GLIS3: variants seen among roughly 807,000 people sequenced by gnomAD.
GLIS3 encodes the protein GLIS family zinc finger 3, also known as zinc finger protein GLIS3.
In GLIS3, 53 loss-of-function variants were observed where a neutral mutation model predicts 78.6. The ratio of observed to expected loss-of-function variants is 0.67; its 90% CI spans 0.54 to 0.85. The LOEUF (loss-of-function observed/expected upper bound fraction) is 0.85, where lower values mean the gene tolerates loss of function less well. Ranked by LOEUF, GLIS3 falls within the 40% of genes least tolerant of loss-of-function variation. The pLI is 0.00. For missense variants in GLIS3, 1,703 were observed against 1,231.1 expected, an observed-to-expected ratio of 1.38 and a Z score of -5.74; for synonymous variants, 684 against 509.9, an observed-to-expected ratio of 1.34 and a Z score of -4.60.
chr9:4,183,597 CCT>C (rs1160325283), intron 2 of GLIS3, among the ~76,000 whole-genome samples: 1 of 152,274 alleles, frequency 6.6e-6, no homozygotes, highest in East Asian at 1.9e-4. Context: ...CCAGTCAAGA[CCT>C]CTGTTTCTCC....
rs529215402 is a variant in GLIS3 at position 4,240,125 on chromosome 9, C to T, written c.388+45913G>A. Among the ~76,000 whole-genome samples, 8 of 146,954 alleles carry T rather than the reference C, an allele frequency of 5.4e-5. No homozygotes were observed. In the East Asian group the frequency reaches 6.2e-4, roughly 11 times the overall value. ...ACAATTAATTCACCATCTAAAGCAG[C>T]GGTCTCCAACCTTTGTGGCATCAGG... On this transcript the variant is annotated intron_variant, in intron 2 of 10. Coordinates refer to ENST00000381971, the MANE Select transcript of GLIS3 (RefSeq NM_001042413.2).
rs60072560 is a variant in GLIS3, at chr9:4,077,985, A to G, written c.1710+39783T>C. ...ACTTTCTTCCCTTTTTTACTTTCCC[A>G]GTTTTCTGATACCTAGTTCACAATT... On this transcript the variant is annotated intron_variant, in intron 4 of 10. Transcript: ENST00000381971. 4.9e-3 allele frequency among the ~76,000 whole-genome samples: 739 copies of G among 152,116 alleles called. 6 individuals carry two copies. The highest frequency in any genetic ancestry group is 0.017 in the African/African-American group (701 of 41,492).
At chr9:4,484,404 ATTTTTTTTTTTTTTTT>A in the GLIS3 span, among the ~76,000 whole-genome samples, 39 of 49,770 alleles carry the variant, frequency 7.8e-4, no homozygotes, top group African/African-American at 2.7e-3. Context: ...TGCCAGGCTA[ATTTTTTTTTTTTTTTT>A]TTTTTTTTTT....
chr9:4,118,319 C>G lies in GLIS3; in HGVS notation c.1159G>C (p.Asp387His). The change falls in exon 4 of 11, where the codon GAC (aspartate) becomes CAC (histidine). Residue 387 changes from aspartate (D) to histidine (H), a missense_variant. Physicochemically the swap from Asp to His is moderately conservative, Grantham distance 81 (BLOSUM62 -1). Transcript: ENST00000381971. This position sits in a 1 kb window ranked among gnomAD's most constrained non-coding sequence, Gnocchi z 4.7. ...ATGCGCTCGTGCTCCAGGGCCCCGTCCTCGCCGTAGGCCGGCAGCGCCAGG... is the reference window on the plus strand; with the variant it reads ...ATGCGCTCGTGCTCCAGGGCCCCGTGCTCGCCGTAGGCCGGCAGCGCCAGG... ...GGLALPAYGE[D>H]GALEHERMQQ... 8.3e-6 allele frequency: 13 copies of G among 1,574,698 alleles called. No homozygotes were observed. The highest frequency in any genetic ancestry group is 1.1e-5 in the Non-Finnish European group (13 of 1,163,030).
rs201291199 is a variant in GLIS3, at chr9:3,930,129, C to A, written c.1983+2231G>T. On this transcript the variant is annotated intron_variant, in intron 6 of 10. Coordinates refer to ENST00000381971, the MANE Select transcript of GLIS3 (RefSeq NM_001042413.2). ...ATCATTTTAACTTCCGCAAATTAAT[C>A]CATCATGGATTCATAAAGAATTTTT... 3.3e-5 allele frequency among the ~76,000 whole-genome samples: 5 copies of A among 152,278 alleles called. No individual in the cohort carries two copies. The East Asian group carries it at 5.8e-4, about 18-fold the overall frequency.
At chr9:4,487,673 T>C in the GLIS3 span, among the ~76,000 whole-genome samples, 3 of 149,346 alleles carry the variant, frequency 2.0e-5, no homozygotes, top group South Asian at 2.1e-4. Context: ...AGCATGGGTA[T>C]GCTTATGGTC....
chr9:4,083,575 T>C (rs957064071), intron 4 of GLIS3, among the ~76,000 whole-genome samples: 1 of 152,218 alleles, frequency 6.6e-6, no homozygotes, highest in African/African-American at 2.4e-5. Flanking sequence ...ATACAGCCAA[T>C]CTATAGGTAG....
At chr9:4,114,021 C>T in intron 4 of GLIS3, among the ~76,000 whole-genome samples, 1 of 61,254 alleles carries the variant, frequency 1.6e-5, no homozygotes, top group Non-Finnish European at 3.3e-5. Context: ...AGCGGAGGCC[C>T]ACGTTCCCCC....
the GLIS3 span, among the ~76,000 whole-genome samples, chr9:4,432,467 G>T: frequency 6.6e-5 from 10 of 152,066 alleles, no homozygotes; most frequent in Non-Finnish European, 1.3e-4. Context: ...AGCAAGGTGA[G>T]AGGTAAGTCT....
chr9:4,229,083 C>G (rs903279212), intron 2 of GLIS3, among the ~76,000 whole-genome samples: 1 of 152,016 alleles, frequency 6.6e-6, no homozygotes, highest in African/African-American at 2.4e-5. Context: ...GTGTAAAAAA[C>G]AAGGTTCATA....
At chr9:4,194,559 G>A (rs1818628117) in intron 2 of GLIS3, among the ~76,000 whole-genome samples, 1 of 152,306 alleles carries the variant, frequency 6.6e-6, no homozygotes, top group African/African-American at 2.4e-5. Flanking sequence ...AACAGCAAAA[G>A]AGTGCATAAA....
chr9:4,038,290 T>C (rs535390081), intron 4 of GLIS3, among the ~76,000 whole-genome samples: 1 of 45,114 alleles, frequency 2.2e-5, no homozygotes, highest in South Asian at 6.7e-4. Flanking sequence ...AGGAAACTTG[T>C]CCAACTTGTT....
intron 4 of GLIS3, among the ~76,000 whole-genome samples, chr9:3,980,350 C>A (rs1024586540): frequency 3.9e-5 from 6 of 152,206 alleles, no homozygotes; most frequent in Non-Finnish European, 5.9e-5. Flanking sequence ...CCCAGGTTCA[C>A]ACTCGACGTA....
At position 4,026,631 on chromosome 9, in the gene GLIS3, G is replaced by C. The variant is rs774685187; in HGVS notation, c.1711-89442C>G. Reference sequence around the variant, plus strand: ...AAATAAAGTAATTCAATAAAACACAGATCATTTTGTGATAAATAATATACT... The same window carrying C: ...AAATAAAGTAATTCAATAAAACACACATCATTTTGTGATAAATAATATACT... On this transcript the variant is annotated intron_variant, in intron 4 of 10. Coordinates refer to ENST00000381971, the MANE Select transcript of GLIS3 (RefSeq NM_001042413.2). Among the ~76,000 whole-genome samples the C allele has an allele frequency of 2.0e-5, 3 of 152,194 alleles. No homozygotes were observed. The East Asian group carries it at 5.8e-4, about 29-fold the overall frequency.
At chr9:3,855,238 T>C (rs1014166937) in intron 9 of GLIS3, among the ~76,000 whole-genome samples, 3 of 152,230 alleles carry the variant, frequency 2.0e-5, no homozygotes, top group South Asian at 2.1e-4. Context: ...TAGTTCTCTA[T>C]GCATATTCCC....
chr9:4,467,946 G>A, the GLIS3 span, among the ~76,000 whole-genome samples: 1 of 152,188 alleles, frequency 6.6e-6, no homozygotes, highest in African/African-American at 2.4e-5. Flanking sequence ...GACCTTAAAT[G>A]ACCTGATGGA....
chr9:4,098,866 C>T (rs1830154417), intron 4 of GLIS3, among the ~76,000 whole-genome samples: 1 of 152,176 alleles, frequency 6.6e-6, no homozygotes, highest in Non-Finnish European at 1.5e-5. Flanking sequence ...CATAAACCCG[C>T]ATGCAGAGCT....
chr9:4,073,368 T>C (rs1186828652), intron 4 of GLIS3, among the ~76,000 whole-genome samples: 1 of 152,150 alleles, frequency 6.6e-6, no homozygotes, highest in Non-Finnish European at 1.5e-5. Flanking sequence ...AGCACACCTT[T>C]TGGATTCAGA....
the GLIS3 span, among the ~76,000 whole-genome samples, chr9:4,458,905 G>A: frequency 2.7e-3 from 407 of 152,240 alleles, 4 homozygotes; most frequent in African/African-American, 8.8e-3. Flanking sequence ...ACAAGCAAGG[G>A]GACCACTGTG....
Sources: allele counts gnomAD v4.1 joint callset (sites outside exome capture counted in the v4.1 genomes callset), GRCh38; gene constraint gnomAD v4.1.1; non-coding constraint Gnocchi (gnomAD v3.1); transcripts MANE v1.5; gene names NCBI Gene and HGNC (gene_info 2026-07-23, HGNC 2026-07-21).